SNX25: variants seen among roughly 807,000 people sequenced by gnomAD.
The protein encoded by SNX25 is sorting nexin 25, also known as sorting nexin-25.
SNX25 carries 62 observed loss-of-function variants against 113.7 expected under a neutral mutation model. The ratio of observed to expected loss-of-function variants is 0.55; its 90% CI spans 0.44 to 0.67. The LOEUF is 0.67. Among genes scored for constraint, SNX25 ranks in the 30% least tolerant of loss-of-function variants. SNX25 has a pLI of 0.00. For missense variants in SNX25, 1,014 were observed against 1,161.0 expected, an observed-to-expected ratio of 0.87 and a Z score of 1.84; for synonymous variants, 421 against 436.2, an observed-to-expected ratio of 0.97 and a Z score of 0.43.
intron 9 of SNX25, among the ~76,000 whole-genome samples, chr4:185,328,285 G>C (rs2095170372): frequency 6.6e-6 from 1 of 152,122 alleles, no homozygotes; most frequent in South Asian, 2.1e-4. Context: ...GACAAAGACA[G>C]ATTTTGAGAG....
upstream of SNX25, chr4:185,207,636 G>A (rs1363422342): frequency 6.6e-6 from 1 of 152,056 alleles, no homozygotes; most frequent in East Asian, 1.9e-4. Context: ...ATGGCATAGC[G>A]ATTCAATGCA....
intron 1 of SNX25, among the ~76,000 whole-genome samples, chr4:185,220,042 C>T (rs567230281): frequency 3.3e-4 from 50 of 151,702 alleles, no homozygotes; most frequent in African/African-American, 1.2e-3. Context: ...TCTCATTCTT[C>T]ATTCTGTTAC....
At chr4:185,246,895 A>G (rs1480741464) in intron 1 of SNX25, among the ~76,000 whole-genome samples, 1 of 152,140 alleles carries the variant, frequency 6.6e-6, no homozygotes, top group Non-Finnish European at 1.5e-5. Context: ...TAAGACCGTA[A>G]CCTTTTATTC....
At chr4:185,295,955 A>C (rs1752781954) in intron 6 of SNX25, 1 of 152,198 alleles carries the variant, frequency 6.6e-6, no homozygotes, top group Non-Finnish European at 1.5e-5. Flanking sequence ...GGTATTTACT[A>C]TAAAGAAGAG....
intron 1 of SNX25, among the ~76,000 whole-genome samples, chr4:185,240,820 A>C (rs966672962): frequency 2.0e-5 from 3 of 146,406 alleles, no homozygotes; most frequent in African/African-American, 7.8e-5. Context: ...TGCCAGGCAG[A>C]GGGTCTCCTC....
intron 12 of SNX25, among the ~76,000 whole-genome samples, chr4:185,343,110 C>T (rs368166483): frequency 2.6e-5 from 4 of 152,092 alleles, no homozygotes; most frequent in Admixed American, 6.6e-5. Flanking sequence ...AGGCTGGTCT[C>T]GAACTCCTGA....
At chr4:185,253,800 G>A (rs532457627) in intron 2 of SNX25, among the ~76,000 whole-genome samples, 2 of 152,164 alleles carry the variant, frequency 1.3e-5, no homozygotes, top group Non-Finnish European at 2.9e-5. Flanking sequence ...GCACATTTCA[G>A]CTAGTTTTAA....
intron 5 of SNX25, among the ~76,000 whole-genome samples, chr4:185,287,385 G>A (rs1053199016): frequency 2.0e-5 from 3 of 152,164 alleles, no homozygotes; most frequent in African/African-American, 7.2e-5. Flanking sequence ...TGTTGGGTTG[G>A]GACCGTGTTC....
At chr4:185,238,062 CAAA>C (rs10635995) in intron 1 of SNX25, among the ~76,000 whole-genome samples, 17 of 87,908 alleles carry the variant, frequency 1.9e-4, no homozygotes, top group Non-Finnish European at 2.2e-4. Flanking sequence ...GACTCCATCT[CAAA>C]AAAAAAAAAA....
intron 2 of SNX25, among the ~76,000 whole-genome samples, chr4:185,255,729 A>G (rs1009450020): frequency 6.6e-6 from 1 of 152,228 alleles, no homozygotes; most frequent in Admixed American, 6.5e-5. Context: ...CTGAGTAGAA[A>G]GAGTGATTGG....
At chr4:185,263,997 C>G (rs1747693984) in intron 3 of SNX25, among the ~76,000 whole-genome samples, 2 of 152,214 alleles carry the variant, frequency 1.3e-5, no homozygotes, top group Admixed American at 6.5e-5. Flanking sequence ...CTCTAGCTCA[C>G]TAGAAATACC....
intron 2 of SNX25, among the ~76,000 whole-genome samples, chr4:185,255,763 A>AC (rs2126512621): frequency 6.6e-6 from 1 of 152,214 alleles, no homozygotes; most frequent in Non-Finnish European, 1.5e-5. Flanking sequence ...TGACTTTGCT[A>AC]CCTCTTTGAG....
At chr4:185,295,793 A>G (rs1752760172) in intron 6 of SNX25, 1 of 152,076 alleles carries the variant, frequency 6.6e-6, no homozygotes, top group African/African-American at 2.4e-5. Flanking sequence ...GCAAGAGATG[A>G]TATGCAATTG....
At chr4:185,331,912 G>T (rs561311963) in intron 9 of SNX25, among the ~76,000 whole-genome samples, 1 of 152,334 alleles carries the variant, frequency 6.6e-6, no homozygotes, top group East Asian at 1.9e-4. Context: ...AAACCTGGAA[G>T]AAAGTTAAGG....
At position 185,308,039 on chromosome 4, in the gene SNX25, G is replaced by T. The variant is rs1489556703; in HGVS notation, c.1163-2596G>T. ...CTCCCAAAGTGCTGGCATTACAGGT[G>T]GGGGCCACCACGCCGGGCCCACACC... On this transcript the variant is annotated intron_variant, in intron 6 of 18. Coordinates refer to ENST00000652585, the MANE Select transcript of SNX25 (RefSeq NM_001378034.2). 6.6e-5 allele frequency among the ~76,000 whole-genome samples: 10 copies of T among 152,274 alleles called. No homozygotes were observed. The South Asian group carries it at 8.3e-4, about 13-fold the overall frequency.
At chr4:185,369,785 C>A (rs2095408758) in exon 12 of SNX25, 2 of 441,892 alleles carry the variant, frequency 4.5e-6, no homozygotes, top group Non-Finnish European at 9.0e-6. Context: ...CTCCTAGAGA[C>A]CATGATTGAA....
intron 1 of SNX25, among the ~76,000 whole-genome samples, chr4:185,215,664 A>G (rs897948834): frequency 2.0e-5 from 3 of 152,148 alleles, no homozygotes; most frequent in African/African-American, 7.2e-5. Context: ...TGTCTTTAGA[A>G]TATTCTTTTG....
intron 10 of SNX25, among the ~76,000 whole-genome samples, chr4:185,333,721 A>G (rs774190148): frequency 2.6e-5 from 4 of 152,186 alleles, no homozygotes; most frequent in Non-Finnish European, 5.9e-5. Flanking sequence ...AAAATTGTGT[A>G]GGAAGAAGTT....
chr4:185,362,179 T>G, intron 17 of SNX25, 74 bp downstream of exon 17: 1 of 1,460,490 alleles, frequency 6.8e-7, no homozygotes, highest in Non-Finnish European at 9.1e-7. Context: ...TGATTTTCAT[T>G]TATGTCTTGC....
Sources: gnomAD v4.1 joint callset for allele counts (sites outside exome capture counted in the v4.1 genomes callset) on GRCh38, gnomAD v4.1.1 for gene constraint, MANE v1.5 for transcripts, NCBI Gene and HGNC (gene_info 2026-07-23, HGNC 2026-07-21) for gene names.